Variants in PDE4D observed in about 807,000 individuals in gnomAD.
PDE4D encodes the protein phosphodiesterase 4D, also known as 3',5'-cyclic-AMP phosphodiesterase 4D.
PDE4D carries 24 observed loss-of-function variants against 87.4 expected under a neutral mutation model. That is an observed-to-expected ratio of 0.27 (90% CI 0.20 to 0.39). The LOEUF (loss-of-function observed/expected upper bound fraction) is 0.39. Ranked by LOEUF, PDE4D falls within the 10% of genes least tolerant of loss-of-function variation. The pLI, the probability that PDE4D is intolerant of heterozygous loss-of-function variation, is 1.00. For synonymous variants in PDE4D, 384 were observed against 383.2 expected (o/e 1.00, Z -0.02); for missense variants, 714 against 1,041.0 (o/e 0.69, Z 4.32).
At chr5:59,887,132 C>G (rs1254105016) in intron 1 of PDE4D, among the ~76,000 whole-genome samples, 4 of 152,092 alleles carry the variant, frequency 2.6e-5, no homozygotes, top group Admixed American at 2.6e-4. Context: ...AAGAATGCCA[C>G]AGACCAGAGA....
At chr5:59,733,165 T>A (rs940141318) in intron 1 of PDE4D, among the ~76,000 whole-genome samples, 1 of 151,968 alleles carries the variant, frequency 6.6e-6, no homozygotes, top group Admixed American at 6.6e-5. Context: ...GCATTTAGAG[T>A]TTGAAATAAT....
intron 1 of PDE4D, among the ~76,000 whole-genome samples, chr5:59,766,621 G>C (rs955248598): frequency 1.3e-5 from 2 of 152,214 alleles, no homozygotes; most frequent in South Asian, 4.1e-4. Flanking sequence ...ATAAAGCAGC[G>C]CAACCAAAAG....
intron 1 of PDE4D, among the ~76,000 whole-genome samples, chr5:59,359,795 T>C (rs932366175): frequency 2.0e-5 from 3 of 152,190 alleles, no homozygotes; most frequent in Middle Eastern, 3.2e-3. Flanking sequence ...AGTAAAAGCA[T>C]GATTCAATAG....
chr5:59,613,088 G>T (rs1334415421), intron 1 of PDE4D, among the ~76,000 whole-genome samples: 1 of 152,166 alleles, frequency 6.6e-6, no homozygotes, highest in African/African-American at 2.4e-5. Flanking sequence ...CTGGTCAGGA[G>T]GTGGTGCAGC....
chr5:59,413,352 G>C (rs981591726), intron 1 of PDE4D, among the ~76,000 whole-genome samples: 3 of 150,868 alleles, frequency 2.0e-5, no homozygotes, highest in African/African-American at 7.3e-5. Flanking sequence ...CAGCTACTCA[G>C]GAAGCTGAGG....
chr5:59,778,164 A>G (rs1764263570), intron 1 of PDE4D, among the ~76,000 whole-genome samples: 1 of 152,234 alleles, frequency 6.6e-6, no homozygotes, highest in African/African-American at 2.4e-5. Flanking sequence ...TGCTACACTC[A>G]CAGTCTCCTG....
intron 5 of PDE4D, among the ~76,000 whole-genome samples, chr5:59,116,030 A>C (rs577615380): frequency 1.2e-4 from 19 of 152,318 alleles, no homozygotes; most frequent in African/African-American, 4.6e-4. Flanking sequence ...ATCTCAGTCG[A>C]TGAATTAGCG....
chr5:59,691,238 T>C (rs1750862499), intron 1 of PDE4D, among the ~76,000 whole-genome samples: 1 of 152,182 alleles, frequency 6.6e-6, no homozygotes, highest in Admixed American at 6.5e-5. Context: ...CCCAAAGGAT[T>C]ATAAATCATG....
chr5:59,288,781 G>A (rs1042681950), intron 1 of PDE4D, among the ~76,000 whole-genome samples: 3 of 151,980 alleles, frequency 2.0e-5, no homozygotes, highest in African/African-American at 4.8e-5. Context: ...ACCTTATAGG[G>A]CAGGAGACAT....
intron 1 of PDE4D, among the ~76,000 whole-genome samples, chr5:60,203,999 G>A (rs535322141): frequency 1.3e-5 from 2 of 152,152 alleles, no homozygotes; most frequent in African/African-American, 4.8e-5. Flanking sequence ...GTGAGCATTA[G>A]TTTACATCTT....
At chr5:59,301,765 C>CCCCA (rs1366975719) in intron 1 of PDE4D, among the ~76,000 whole-genome samples, 2 of 151,906 alleles carry the variant, frequency 1.3e-5, no homozygotes, top group African/African-American at 4.8e-5. Flanking sequence ...CAGATATGAG[C>CCCCA]AGGGTAGGAG....
At chr5:59,607,551 C>A (rs1458083809) in intron 1 of PDE4D, among the ~76,000 whole-genome samples, 2 of 151,920 alleles carry the variant, frequency 1.3e-5, no homozygotes, top group African/African-American at 4.8e-5. Flanking sequence ...ACCAGCATGC[C>A]AAGGAGGAGA....
intron 1 of PDE4D, among the ~76,000 whole-genome samples, chr5:59,653,044 AT>A (rs1445482764): frequency 2.0e-5 from 3 of 151,994 alleles, no homozygotes; most frequent in African/African-American, 7.2e-5. Context: ...TTCCAGAAAC[AT>A]TTCCATCCAA....
intron 5 of PDE4D, among the ~76,000 whole-genome samples, chr5:59,161,598 T>C (rs73758114): frequency 0.17 from 25,315 of 152,080 alleles, 2,217 homozygotes; most frequent in African/African-American, 0.2. Flanking sequence ...AGGGGTAAAA[T>C]AAGGCATGTC....
chr5:59,234,236 T>C (rs1208495328), intron 1 of PDE4D, among the ~76,000 whole-genome samples: 2 of 152,212 alleles, frequency 1.3e-5, no homozygotes, highest in Non-Finnish European at 2.9e-5. Flanking sequence ...ACTTCATCTA[T>C]TTTCTAGATA....
intron 1 of PDE4D, among the ~76,000 whole-genome samples, chr5:59,461,407 A>T (rs924859327): frequency 5.9e-5 from 9 of 152,176 alleles, no homozygotes; most frequent in African/African-American, 1.9e-4. Context: ...TAAAAGAAAC[A>T]TCAAAAAATT....
intron 1 of PDE4D, among the ~76,000 whole-genome samples, chr5:59,340,152 A>G (rs575753620): frequency 2.6e-5 from 4 of 152,278 alleles, no homozygotes; most frequent in Admixed American, 2.0e-4. Flanking sequence ...AAACAAGCAC[A>G]GAGTGAACTA....
intron 1 of PDE4D, among the ~76,000 whole-genome samples, chr5:59,456,450 G>A (rs956696591): frequency 3.3e-5 from 5 of 152,078 alleles, no homozygotes; most frequent in African/African-American, 4.8e-5. Flanking sequence ...GCCATGTGGA[G>A]CTGAGTCCAT....
At chr5:59,512,132 TAA>T (rs1183596962) in intron 1 of PDE4D, among the ~76,000 whole-genome samples, 2 of 152,144 alleles carry the variant, frequency 1.3e-5, no homozygotes, top group Admixed American at 6.5e-5. Context: ...GACTCAGTGT[TAA>T]GTGAGAAAAA....
Sources: allele counts gnomAD v4.1 joint callset (sites outside exome capture counted in the v4.1 genomes callset), GRCh38; gene constraint gnomAD v4.1.1; transcripts MANE v1.5; gene names NCBI Gene and HGNC (gene_info 2026-07-23, HGNC 2026-07-21).